Variants in LRP1B observed in about 807,000 individuals in gnomAD.
LRP1B encodes low-density lipoprotein receptor-related protein 1B.
In LRP1B, 217 loss-of-function variants were observed where a neutral mutation model predicts 556.6. The observed-to-expected ratio is 0.39, with a 90% CI of 0.35 to 0.44. The LOEUF is 0.44. Ranked by LOEUF, LRP1B falls within the 20% of genes least tolerant of loss-of-function variation. LRP1B has a pLI of 1.00. For missense variants in LRP1B, 5,053 were observed against 5,620.8 expected (o/e 0.90, Z 3.23); for synonymous variants, 2,047 against 1,865.8 (o/e 1.10, Z -2.50).
intron 2 of LRP1B, among the ~76,000 whole-genome samples, chr2:141,656,524 AT>A (rs1690015527): frequency 6.6e-6 from 1 of 152,256 alleles, no homozygotes; most frequent in East Asian, 1.9e-4. Flanking sequence ...ACCAAAGAAC[AT>A]TTTTATTTCT....
chr2:141,500,059 T>G (rs1489313620), intron 2 of LRP1B, among the ~76,000 whole-genome samples: 1 of 152,124 alleles, frequency 6.6e-6, no homozygotes, highest in Non-Finnish European at 1.5e-5. Context: ...CATACATTTT[T>G]CTTTGTGAAG....
rs906460639 is a variant in LRP1B, at chr2:141,832,201, A to AT, written c.83-21801dup. On this transcript the variant is annotated intron_variant, in intron 1 of 90. Transcript: ENST00000389484. ...AAAATCTTTCTTCTCTGGTTCATTT[A>AT]TTTTTTTTTTCTTAAGAACTGATCC... is the stretch of plus-strand genomic sequence containing the variant. 5.5e-4 allele frequency among the ~76,000 whole-genome samples: 82 copies of AT among 148,824 alleles called. 1 individual carries two copies. Among genetic ancestry groups the AT allele is most frequent in the East Asian group, 4.1e-3 (21 of 5,080 alleles).
intron 23 of LRP1B, among the ~76,000 whole-genome samples, chr2:140,892,472 CA>C (rs1204399781): frequency 6.6e-6 from 1 of 152,080 alleles, no homozygotes; most frequent in Non-Finnish European, 1.5e-5. Context: ...AAAACAAACG[CA>C]AACAAAAGCA....
At chr2:141,668,170 A>T (rs1247122034) in intron 2 of LRP1B, among the ~76,000 whole-genome samples, 1 of 152,102 alleles carries the variant, frequency 6.6e-6, no homozygotes, top group African/African-American at 2.4e-5. Context: ...AAATATACAA[A>T]CCATTTCATT....
intron 7 of LRP1B, among the ~76,000 whole-genome samples, chr2:141,113,018 C>A (rs1043478262): frequency 3.3e-5 from 5 of 152,122 alleles, no homozygotes; most frequent in East Asian, 1.9e-4. Flanking sequence ...TTACAAAATT[C>A]TTTACAAATT....
intron 72 of LRP1B, among the ~76,000 whole-genome samples, chr2:140,360,199 C>T (rs1419531695): frequency 7.3e-5 from 11 of 151,546 alleles, no homozygotes; most frequent in Non-Finnish European, 1.5e-5. Context: ...ATAGACTTGT[C>T]ACTATCTTGC....
chr2:141,956,612 A>C (rs1574529189), intron 1 of LRP1B, among the ~76,000 whole-genome samples: 1 of 124,860 alleles, frequency 8.0e-6, no homozygotes, highest in Non-Finnish European at 1.7e-5. Flanking sequence ...TCAGTCTTTT[A>C]TGTTTTATGC....
chr2:141,211,304 T>TAAAA (rs1203235856), intron 6 of LRP1B, among the ~76,000 whole-genome samples: 4,225 of 147,634 alleles, frequency 0.029, 87 homozygotes, highest in African/African-American at 0.055. Context: ...TCTTTTTTTT[T>TAAAA]AAAAAAAAAA....
chr2:141,989,927 G>C (rs1435607), intron 1 of LRP1B, among the ~76,000 whole-genome samples: 64,312 of 151,872 alleles, frequency 0.42, 14,462 homozygotes, highest in African/African-American at 0.57. Flanking sequence ...TACGGCATTA[G>C]TTTTAGTAGA....
chr2:140,847,122 C>G (rs1692296112), intron 29 of LRP1B, among the ~76,000 whole-genome samples: 1 of 152,122 alleles, frequency 6.6e-6, no homozygotes, highest in Non-Finnish European at 1.5e-5. Context: ...TTTCCCCAGC[C>G]TAGTCTAGGC....
chr2:140,656,875 A>G (rs555708187), intron 41 of LRP1B, among the ~76,000 whole-genome samples: 1 of 152,304 alleles, frequency 6.6e-6, no homozygotes, highest in Admixed American at 6.5e-5. Context: ...GAAATGGCAA[A>G]CTAAATGGTC....
At chr2:141,427,125 C>T (rs1342182597) in intron 3 of LRP1B, among the ~76,000 whole-genome samples, 2 of 152,074 alleles carry the variant, frequency 1.3e-5, no homozygotes, top group African/African-American at 4.8e-5. Context: ...ACAATTAGTG[C>T]ATAAATTTTT....
intron 1 of LRP1B, among the ~76,000 whole-genome samples, chr2:142,076,678 A>G (rs891587908): frequency 2.0e-5 from 3 of 152,094 alleles, no homozygotes; most frequent in African/African-American, 7.2e-5. Context: ...TTCAGTAGTA[A>G]GGATTTTTGT....
At position 140,766,822 on chromosome 2, in the gene LRP1B, AATAT is replaced by A. The variant is rs34690760; in HGVS notation, c.5758+2387_5758+2390del. Among the ~76,000 whole-genome samples, 700 of 105,526 alleles carry A rather than the reference AATAT, an allele frequency of 6.6e-3. 5 individuals are homozygous for A. The highest frequency in any genetic ancestry group is 0.03 in the Admixed American group (272 of 9,132). 69.2% of individuals were successfully genotyped at this position (105,526 alleles called of 152,430 possible). ...TGTAGCTTCCAGGGCATCTTTGTAA[AATAT>A]ATATATATATATATATATTATATAT... On this transcript the variant is annotated intron_variant, in intron 35 of 90. Coordinates refer to ENST00000389484, the MANE Select transcript of LRP1B (RefSeq NM_018557.3).
chr2:142,027,992 C>G (rs1226941704), intron 1 of LRP1B, among the ~76,000 whole-genome samples: 1 of 151,934 alleles, frequency 6.6e-6, no homozygotes, highest in East Asian at 1.9e-4. Flanking sequence ...TTTATCACTA[C>G]TTACAAGACA....
At chr2:140,597,131 T>C (rs557415522) in intron 43 of LRP1B, among the ~76,000 whole-genome samples, 4 of 152,194 alleles carry the variant, frequency 2.6e-5, no homozygotes, top group Non-Finnish European at 5.9e-5. Context: ...GTAATCTAGA[T>C]GCATGTAAGA....
intron 41 of LRP1B, among the ~76,000 whole-genome samples, chr2:140,650,595 T>C (rs1019826517): frequency 6.6e-5 from 10 of 152,136 alleles, no homozygotes; most frequent in Non-Finnish European, 1.3e-4. Context: ...GTGATCTGCC[T>C]GCCTTGGCCT....
intron 85 of LRP1B, among the ~76,000 whole-genome samples, chr2:140,273,390 A>G (rs955679084): frequency 1.3e-5 from 2 of 150,984 alleles, no homozygotes; most frequent in African/African-American, 4.9e-5. Flanking sequence ...TATATCAGTC[A>G]TATTTTCAAT....
rs139068507 is a variant in LRP1B, at chr2:140,540,863, TC to T, written c.7513+109del. On this transcript the variant is annotated intron_variant, in intron 45 of 90. Coordinates refer to ENST00000389484, the MANE Select transcript of LRP1B (RefSeq NM_018557.3). ...AGCAGAGAGATAACATGACTAAGCTTCTAATATTAGAAGAGAGTATAACTTC... is the reference window on the plus strand; with the variant it reads ...AGCAGAGAGATAACATGACTAAGCTTTAATATTAGAAGAGAGTATAACTTC... 3,947 of 1,218,398 alleles carry T rather than the reference TC, an allele frequency of 3.2e-3. 56 individuals are homozygous for T. The East Asian group carries it at 0.035, about 11-fold the overall frequency. 75.5% of individuals were successfully genotyped at this position (1,218,398 alleles called of 1,614,324 possible). A position where few individuals can be genotyped will look rare whatever the true frequency, so the allele number is the denominator to read the frequency against.
Sources: allele counts gnomAD v4.1 joint callset (sites outside exome capture counted in the v4.1 genomes callset), GRCh38; gene constraint gnomAD v4.1.1; transcripts MANE v1.5; gene names NCBI Gene and HGNC (gene_info 2026-07-23, HGNC 2026-07-21).